The following CNNM1 variants were observed in gnomAD, a reference collection of about 807,000 sequenced individuals.
The protein encoded by CNNM1 is metal transporter CNNM1.
Under a neutral mutation model 78.8 loss-of-function variants are expected in CNNM1, and 44 were observed. The ratio of observed to expected loss-of-function variants is 0.56; its 90% CI spans 0.44 to 0.72. The LOEUF is 0.72. CNNM1 is among the 30% of genes least tolerant of loss of function. CNNM1 has a pLI of 0.00. For synonymous variants in CNNM1, 584 were observed against 581.5 expected, an observed-to-expected ratio of 1.00 and a Z score of -0.06; for missense variants, 1,101 against 1,292.2, an observed-to-expected ratio of 0.85 and a Z score of 2.27.
At chr10:99,382,664 G>T (rs2032195368) in intron 7 of CNNM1, among the ~76,000 whole-genome samples, 1 of 152,212 alleles carries the variant, frequency 6.6e-6, no homozygotes, top group African/African-American at 2.4e-5. Flanking sequence ...CTACTTGGGA[G>T]GCTGAGGCAG....
chr10:99,343,631 A>G (rs1041416686), intron 1 of CNNM1, among the ~76,000 whole-genome samples: 1 of 152,208 alleles, frequency 6.6e-6, no homozygotes, highest in Non-Finnish European at 1.5e-5. Flanking sequence ...GCCTGAACTC[A>G]GATCCCAGCA....
Position 99,329,400 on chromosome 10 carries a change from G to T in CNNM1, c.13G>T (p.Ala5Ser). The change falls in exon 1 of 11, where the codon GCG (alanine) becomes TCG (serine). Residue 5 changes from alanine (A) to serine (S), a missense_variant. Transcript: ENST00000356713. MAAA[A>S]AAAAAVGVRL... ...CGCTGGGTGCAGGATGGCGGCGGCC[G>T]CGGCGGCGGCAGCAGCGGTGGGTGT... is the stretch of plus-strand genomic sequence containing the variant. The T allele has an allele frequency of 1.3e-6, 1 of 796,828 alleles. No individual in the cohort carries two copies. Among genetic ancestry groups the T allele is most frequent in the Non-Finnish European group, 1.9e-6 (1 of 531,540 alleles). The allele number at this position is 796,828 out of a possible 1,614,324, so 49.4% of individuals were successfully genotyped here. A position where few individuals can be genotyped will look rare whatever the true frequency, so the allele number is the denominator to read the frequency against.
rs567510054 is a variant in CNNM1 at position 99,381,863 on chromosome 10, C to A, written c.2340+4645C>A. Among the ~76,000 whole-genome samples the A allele has an allele frequency of 2.0e-5, 3 of 150,024 alleles. No individual in the cohort carries two copies. The East Asian group carries it at 5.8e-4, about 29-fold the overall frequency. On this transcript the variant is annotated intron_variant, in intron 7 of 10. Transcript: ENST00000356713. ...CAAGTGTCTTTTTTGTTTTGATTTT[C>A]TCTTTTCTTTTTTTTTTAATATAAG... is the stretch of plus-strand genomic sequence containing the variant.
intron 1 of CNNM1, among the ~76,000 whole-genome samples, chr10:99,343,778 G>A (rs916095526): frequency 6.6e-6 from 1 of 151,894 alleles, no homozygotes; most frequent in African/African-American, 2.4e-5. Flanking sequence ...GCCTTGGCAT[G>A]GTCTCGGCTC....
intron 2 of CNNM1, among the ~76,000 whole-genome samples, chr10:99,358,948 G>T (rs1020003431): frequency 7.0e-6 from 1 of 142,106 alleles, no homozygotes; most frequent in South Asian, 2.4e-4. Flanking sequence ...GCAGTGAGTG[G>T]AGATTGTGCC....
At chr10:99,342,276 T>C (rs1478772752) in intron 1 of CNNM1, among the ~76,000 whole-genome samples, 1 of 152,168 alleles carries the variant, frequency 6.6e-6, no homozygotes, top group Non-Finnish European at 1.5e-5. Flanking sequence ...TTCAAAACAG[T>C]GGGAAGTCAG....
intron 4 of CNNM1, among the ~76,000 whole-genome samples, chr10:99,363,045 T>G (rs2031493825): frequency 6.6e-6 from 1 of 152,230 alleles, no homozygotes; most frequent in Non-Finnish European, 1.5e-5. Flanking sequence ...TAAATAAGTG[T>G]CTGACATGAT....
intron 1 of CNNM1, among the ~76,000 whole-genome samples, chr10:99,352,060 AT>A (rs2030969113): frequency 6.6e-6 from 1 of 152,184 alleles, no homozygotes; most frequent in Admixed American, 6.5e-5. Context: ...TTGTGCAGGC[AT>A]CCCTACTAAT....
Position 99,357,520 on chromosome 10 carries a change from C to T in CNNM1, c.1582C>T (p.His528Tyr), listed in dbSNP as rs763563521. The T allele has an allele frequency of 6.2e-7, 1 of 1,612,388 alleles. No homozygotes were observed. The highest frequency in any genetic ancestry group is 8.5e-7 in the Non-Finnish European group (1 of 1,179,390). Reference sequence around the variant, plus strand: ...TTTCATTTGTTCTCTAGGAAAATCTCACCTGGCCATTGTCCAGCGGGTGAA... The same window carrying T: ...TTTCATTTGTTCTCTAGGAAAATCTTACCTGGCCATTGTCCAGCGGGTGAA... ...VLEEFKKGKS[H>Y]LAIVQRVNNE... Residue 528 changes from histidine (H) to tyrosine (Y), a missense_variant, in exon 2 of 11, where the codon CAC becomes TAC. His to Tyr is a moderately conservative substitution (Grantham distance 83). Coordinates refer to ENST00000356713, the MANE Select transcript of CNNM1 (RefSeq NM_020348.3).
At chr10:99,365,176 G>T in intron 6 of CNNM1, 174 bp downstream of exon 6, 1 of 706,922 alleles carries the variant, frequency 1.4e-6, no homozygotes. Context: ...CACAGACCAT[G>T]GGAGCTTAGG....
Position 99,391,491 on chromosome 10 carries a change from C to G in CNNM1, c.2831C>G (p.Ser944Cys), listed in dbSNP as rs149618501. The stretch of plus-strand genomic sequence containing the variant: ...GGAGAGAGAACCTCTGAGGACAACT[C>G]CAATTTAACACCTCTGATCACATGA... ...PEGERTSEDN[S>C]NLTPLIT Residue 944 changes from serine (S) to cysteine (C), a missense_variant, in exon 11 of 11, where the codon TCC becomes TGC. By Grantham distance (112) the Ser-to-Cys change is moderately radical. Around this residue, in one of 3 missense-constraint regions of CNNM1, gnomAD observed 348 missense variants for 384.5 expected, o/e 0.90. Coordinates refer to ENST00000356713, the MANE Select transcript of CNNM1 (RefSeq NM_020348.3). The G allele has an allele frequency of 7.6e-5, 122 of 1,613,766 alleles. No homozygotes were observed. The highest frequency in any genetic ancestry group is 9.8e-5 in the Non-Finnish European group (116 of 1,179,822).
intron 6 of CNNM1, 52 bp from the exon 7 acceptor site, chr10:99,377,003 T>TAA: frequency 1.5e-6 from 1 of 661,202 alleles, no homozygotes; most frequent in Non-Finnish European, 2.5e-6. Flanking sequence ...CTCCCCCTTC[T>TAA]TCCTCCCCAC....
chr10:99,364,800 A>G (rs954099099), intron 5 of CNNM1, among the ~76,000 whole-genome samples, 155 bp from the exon 6 acceptor site: 7 of 152,032 alleles, frequency 4.6e-5, no homozygotes, highest in Non-Finnish European at 1.0e-4. Flanking sequence ...AGACAAGTTT[A>G]TTTTGCTTTT....
intron 7 of CNNM1, among the ~76,000 whole-genome samples, chr10:99,380,366 T>C (rs1034054076): frequency 6.6e-6 from 1 of 152,060 alleles, no homozygotes; most frequent in Non-Finnish European, 1.5e-5. Context: ...TTTTGAAGAG[T>C]CATGTTCAAT....
intron 1 of CNNM1, among the ~76,000 whole-genome samples, chr10:99,334,717 C>T: frequency 6.6e-6 from 1 of 152,118 alleles, no homozygotes; most frequent in Non-Finnish European, 1.5e-5. Context: ...TTCCATTTTC[C>T]TTACTTCCTT....
chr10:99,351,992 G>A (rs1024293339), intron 1 of CNNM1, among the ~76,000 whole-genome samples: 25 of 151,894 alleles, frequency 1.6e-4, no homozygotes, highest in African/African-American at 4.8e-4. Flanking sequence ...TAGGATTCAC[G>A]TACCATAAAA....
At chr10:99,348,583 G>T (rs1418980975) in intron 1 of CNNM1, among the ~76,000 whole-genome samples, 1 of 152,192 alleles carries the variant, frequency 6.6e-6, no homozygotes, top group Non-Finnish European at 1.5e-5. Flanking sequence ...AAAGATAAAA[G>T]ATGACTCTTG....
intron 4 of CNNM1, 70 bp downstream of exon 4, chr10:99,362,466 C>T: frequency 6.8e-7 from 1 of 1,479,648 alleles, no homozygotes; most frequent in Non-Finnish European, 9.1e-7. Context: ...AATGGCCATG[C>T]CTCCGTCAGC....
chr10:99,354,052 G>T (rs2031041026), intron 1 of CNNM1, among the ~76,000 whole-genome samples: 1 of 152,064 alleles, frequency 6.6e-6, no homozygotes, highest in African/African-American at 2.4e-5. Context: ...ATGTATTCTA[G>T]GGTTCACATT....
Sources: gnomAD v4.1 joint callset for allele counts (sites outside exome capture counted in the v4.1 genomes callset) on GRCh38, gnomAD v4.1.1 for gene constraint, gnomAD v4.1.1 regional missense constraint, MANE v1.5 for transcripts, NCBI Gene and HGNC (gene_info 2026-07-23, HGNC 2026-07-21) for gene names.